WDPCP: variants seen among roughly 807,000 people sequenced by gnomAD.
WDPCP encodes WD repeat containing planar cell polarity effector, also known as WD repeat-containing and planar cell polarity effector protein fritz homolog.
WDPCP carries 71 observed loss-of-function variants against 93.1 expected under a neutral mutation model. The observed-to-expected ratio is 0.76, with a 90% CI of 0.63 to 0.93. The LOEUF is 0.93. Among genes scored for constraint, WDPCP ranks in the 40% least tolerant of loss-of-function variants. The pLI is 0.00. For missense variants in WDPCP, 844 were observed against 887.4 expected, an observed-to-expected ratio of 0.95 and a Z score of 0.62; for synonymous variants, 315 against 315.0, an observed-to-expected ratio of 1.00 and a Z score of 0.00.
At chr2:63,738,186 T>C (rs1669665270) in intron 2 of WDPCP, among the ~76,000 whole-genome samples, 1 of 152,136 alleles carries the variant, frequency 6.6e-6, no homozygotes, top group African/African-American at 2.4e-5. Flanking sequence ...TTTTATTCAT[T>C]TCTATTACTA....
chr2:63,385,575 A>G (rs1391177386), intron 10 of WDPCP, among the ~76,000 whole-genome samples: 1 of 152,108 alleles, frequency 6.6e-6, no homozygotes, highest in African/African-American at 2.4e-5. Flanking sequence ...CAAGACCTTT[A>G]CACTTAAAAT....
chr2:63,303,642 C>A (rs1189486143), intron 13 of WDPCP, among the ~76,000 whole-genome samples: 1 of 152,138 alleles, frequency 6.6e-6, no homozygotes, highest in Non-Finnish European at 1.5e-5. Context: ...CTTTTGGCCA[C>A]AACAGACAGT....
chr2:63,823,802 G>A (rs1671066198), intron 1 of WDPCP, among the ~76,000 whole-genome samples: 1 of 152,120 alleles, frequency 6.6e-6, no homozygotes, highest in Non-Finnish European at 1.5e-5. Flanking sequence ...AGATAAATGT[G>A]AACTGTAGAA....
chr2:63,471,285 T>C (rs906103135), intron 6 of WDPCP, among the ~76,000 whole-genome samples: 8 of 152,234 alleles, frequency 5.3e-5, no homozygotes, highest in African/African-American at 1.9e-4. Flanking sequence ...AAGCTGCCCC[T>C]ACCCTTTCTG....
At chr2:63,344,780 A>C (rs1323278454) in intron 12 of WDPCP, among the ~76,000 whole-genome samples, 1 of 152,206 alleles carries the variant, frequency 6.6e-6, no homozygotes, top group African/African-American at 2.4e-5. Context: ...TTCCTCTGGA[A>C]ACCACCAGAC....
At chr2:63,631,672 G>T (rs542483186) in intron 3 of WDPCP, among the ~76,000 whole-genome samples, 41 of 152,328 alleles carry the variant, frequency 2.7e-4, no homozygotes, top group Admixed American at 8.5e-4. Flanking sequence ...ATACAGAAAA[G>T]ATTGCTAAGG....
At chr2:63,533,241 C>T (rs573833429) in intron 1 of WDPCP, among the ~76,000 whole-genome samples, 1 of 152,306 alleles carries the variant, frequency 6.6e-6, no homozygotes, top group Admixed American at 6.5e-5. Context: ...AGAGCTTAGA[C>T]TCCCACACAA....
intron 14 of WDPCP, among the ~76,000 whole-genome samples, chr2:63,190,722 A>G (rs548894337): frequency 6.6e-6 from 1 of 152,156 alleles, no homozygotes; most frequent in African/African-American, 2.4e-5. Context: ...ATTCCAGGAA[A>G]GGTTCTAGAT....
chr2:63,294,555 A>G (rs917655772), intron 13 of WDPCP, among the ~76,000 whole-genome samples: 1 of 149,902 alleles, frequency 6.7e-6, no homozygotes, highest in Non-Finnish European at 1.5e-5. Flanking sequence ...AAAAATGTCA[A>G]CCAAGAATCC....
rs1052257301 is a variant in WDPCP, at chr2:63,275,110, C to T, written c.1813-15701G>A. Among the ~76,000 whole-genome samples the T allele has an allele frequency of 9.2e-5, 14 of 152,274 alleles. No homozygotes were observed. The South Asian group carries it at 1.0e-3, about 11-fold the overall frequency. ...AACAAGACATCAACAAGACAATACA[C>T]CATGATCAAGTGGGATTTATCCCAG... is the stretch of plus-strand genomic sequence containing the variant. On this transcript the variant is annotated intron_variant, in intron 13 of 17. Coordinates refer to ENST00000272321, the MANE Select transcript of WDPCP (RefSeq NM_015910.7).
chr2:63,411,235 C>G (rs1694998038), intron 9 of WDPCP, among the ~76,000 whole-genome samples: 1 of 152,138 alleles, frequency 6.6e-6, no homozygotes, highest in African/African-American at 2.4e-5. Flanking sequence ...AAGGAACCTT[C>G]AAAACCTTGC....
chr2:63,722,911 T>A (rs1349715825), intron 2 of WDPCP, among the ~76,000 whole-genome samples: 1 of 151,912 alleles, frequency 6.6e-6, no homozygotes, highest in Non-Finnish European at 1.5e-5. Flanking sequence ...GAAGTAGACA[T>A]GGGAGACTTT....
At chr2:63,286,687 A>G (rs1322845550) in intron 13 of WDPCP, among the ~76,000 whole-genome samples, 4 of 152,236 alleles carry the variant, frequency 2.6e-5, no homozygotes, top group Admixed American at 6.5e-5. Context: ...TAAAAATCCA[A>G]TCTTATGGTC....
intron 1 of WDPCP, among the ~76,000 whole-genome samples, chr2:63,565,566 TG>T (rs1222237434): frequency 6.6e-6 from 1 of 152,210 alleles, no homozygotes; most frequent in East Asian, 1.9e-4. Context: ...TCTGAATCAT[TG>T]TATCTTACCA....
chr2:63,214,857 G>A (rs1405735025), intron 14 of WDPCP, among the ~76,000 whole-genome samples: 5 of 151,892 alleles, frequency 3.3e-5, no homozygotes, highest in Admixed American at 3.3e-4. Context: ...AAATCATGAG[G>A]GAACTCCCAT....
intron 10 of WDPCP, among the ~76,000 whole-genome samples, chr2:63,383,002 A>G (rs1692439955): frequency 6.6e-6 from 1 of 152,134 alleles, no homozygotes; most frequent in Non-Finnish European, 1.5e-5. Flanking sequence ...GAAACCAAAA[A>G]TATCTGAAGT....
intron 2 of WDPCP, among the ~76,000 whole-genome samples, chr2:63,708,805 T>C (rs1341465622): frequency 6.6e-6 from 1 of 150,394 alleles, no homozygotes; most frequent in East Asian, 2.0e-4. Flanking sequence ...ACAGACAGGG[T>C]TTCATCGTGT....
intron 1 of WDPCP, among the ~76,000 whole-genome samples, chr2:63,565,879 T>C (rs1039247983): frequency 1.1e-4 from 16 of 152,314 alleles, no homozygotes; most frequent in African/African-American, 1.9e-4. Context: ...GGTACATATA[T>C]AGCCATCGCC....
intron 2 of WDPCP, among the ~76,000 whole-genome samples, chr2:63,700,353 C>T (rs1669029364): frequency 1.4e-5 from 2 of 140,286 alleles, no homozygotes; most frequent in Admixed American, 7.2e-5. Flanking sequence ...TTAATTAGTA[C>T]AGGCTCCAGG....
Sources: gnomAD v4.1 joint callset for allele counts (sites outside exome capture counted in the v4.1 genomes callset) on GRCh38, gnomAD v4.1.1 for gene constraint, MANE v1.5 for transcripts, NCBI Gene and HGNC (gene_info 2026-07-23, HGNC 2026-07-21) for gene names.